Variants in MANBA observed in about 807,000 individuals in gnomAD.
MANBA encodes the protein mannosidase beta, also known as beta-mannosidase.
In MANBA, 83 loss-of-function variants were observed where a neutral mutation model predicts 111.1. The observed-to-expected ratio is 0.75, with a 90% CI of 0.63 to 0.90. The LOEUF (loss-of-function observed/expected upper bound fraction) is 0.90, where lower values mean the gene tolerates loss of function less well. Among genes scored for constraint, MANBA ranks in the 40% least tolerant of loss-of-function variants. The pLI is 0.00. For synonymous variants in MANBA, 370 were observed against 378.7 expected (o/e 0.98, Z 0.27); for missense variants, 1,036 against 1,069.0 (o/e 0.97, Z 0.43).
intron 12 of MANBA, among the ~76,000 whole-genome samples, chr4:102,653,122 C>A (rs1730409362): frequency 6.6e-6 from 1 of 152,024 alleles, no homozygotes; most frequent in South Asian, 2.1e-4. Flanking sequence ...GTTTACATTT[C>A]ATGGGCTCTC....
Position 102,634,968 on chromosome 4 carries a change from C to G in MANBA, c.2235G>C (p.Glu745Asp), listed in dbSNP as rs1367199527. ...CTGGCTCCTCATAAAGGCAGACAGC[C>G]TCTCCTCCTTTCATCACAAAACGTT... ...VTERFVMKGG[E>D]AVCLYEEPVS... is the part of the protein sequence containing the mutation. Residue 745 changes from glutamate to aspartate, a missense_variant, in exon 16 of 17, where the codon GAG becomes GAC. By Grantham distance (45) the Glu-to-Asp change is conservative. Coordinates refer to ENST00000647097, the MANE Select transcript of MANBA (RefSeq NM_005908.4). 9.3e-6 allele frequency: 15 copies of G among 1,614,100 alleles called. No homozygotes were observed. The highest frequency in any genetic ancestry group is 1.3e-5 in the Non-Finnish European group (15 of 1,180,046).
At chr4:102,760,654 G>A in intron 1 of MANBA, 64 bp downstream of exon 1, 1 of 1,466,672 alleles carries the variant, frequency 6.8e-7, no homozygotes, top group Non-Finnish European at 9.1e-7. Context: ...GGCGGTTCCT[G>A]GGCCCCTCTC....
intron 7 of MANBA, among the ~76,000 whole-genome samples, chr4:102,684,674 C>T (rs918728107): frequency 3.3e-5 from 5 of 152,164 alleles, no homozygotes; most frequent in African/African-American, 1.2e-4. Context: ...CCAAGACCCC[C>T]AGTAGGTGCC....
chr4:102,713,680 T>A (rs940164049), intron 5 of MANBA, among the ~76,000 whole-genome samples: 1 of 152,140 alleles, frequency 6.6e-6, no homozygotes, highest in Non-Finnish European at 1.5e-5. Context: ...GGCGGGCAGA[T>A]CACCTGAGGT....
chr4:102,666,150 A>G (rs1731210313), intron 10 of MANBA: 1 of 152,246 alleles, frequency 6.6e-6, no homozygotes, highest in Non-Finnish European at 1.5e-5. Flanking sequence ...ACAACCCTCA[A>G]GCTGACTTAG....
intron 11 of MANBA, among the ~76,000 whole-genome samples, chr4:102,659,490 T>G (rs1026563714): frequency 3.3e-5 from 5 of 152,168 alleles, no homozygotes; most frequent in African/African-American, 1.2e-4. Flanking sequence ...TGTGTTCTGG[T>G]CATCTTTCTA....
At chr4:102,676,146 G>A (rs1731717038) in intron 7 of MANBA, among the ~76,000 whole-genome samples, 1 of 152,040 alleles carries the variant, frequency 6.6e-6, no homozygotes, top group South Asian at 2.1e-4. Flanking sequence ...TATGATGAAA[G>A]CCACCTTTCT....
chr4:102,697,413 A>G (rs1388860512), intron 5 of MANBA, among the ~76,000 whole-genome samples: 1 of 152,096 alleles, frequency 6.6e-6, no homozygotes, highest in South Asian at 2.1e-4. Flanking sequence ...TGTGCAGGTT[A>G]GTTACATATG....
chr4:102,647,692 C>T (rs898479585), intron 13 of MANBA, among the ~76,000 whole-genome samples: 6 of 152,040 alleles, frequency 3.9e-5, no homozygotes, highest in Non-Finnish European at 5.9e-5. Context: ...TTGCCTTTAA[C>T]CTTGTGTTCT....
At chr4:102,694,100 C>A (rs942095852) in intron 5 of MANBA, among the ~76,000 whole-genome samples, 1 of 152,132 alleles carries the variant, frequency 6.6e-6, no homozygotes, top group Non-Finnish European at 1.5e-5. Flanking sequence ...CAAAGGTCAT[C>A]GGCAAAATTC....
intron 5 of MANBA, among the ~76,000 whole-genome samples, chr4:102,713,751 C>A (rs1360003355): frequency 6.6e-6 from 1 of 151,966 alleles, no homozygotes; most frequent in Non-Finnish European, 1.5e-5. Flanking sequence ...ACAAAATTAG[C>A]TGGGCGTGGT....
chr4:102,685,974 A>G (rs149687792), intron 7 of MANBA, among the ~76,000 whole-genome samples: 1,844 of 152,212 alleles, frequency 0.012, 21 homozygotes, highest in Non-Finnish European at 0.015. Flanking sequence ...AATGTGTCAC[A>G]TTATTATTGA....
intron 12 of MANBA, among the ~76,000 whole-genome samples, chr4:102,654,129 C>A (rs73834881): frequency 3.3e-5 from 5 of 151,968 alleles, no homozygotes; most frequent in African/African-American, 1.2e-4. Flanking sequence ...AGATTATTGT[C>A]GAATTAAAGA....
chr4:102,749,113 A>C (rs35452477), intron 1 of MANBA, among the ~76,000 whole-genome samples: 1 of 152,198 alleles, frequency 6.6e-6, no homozygotes, highest in African/African-American at 2.4e-5. Context: ...AGAAAAAAAA[A>C]CAAAAAACTG....
chr4:102,727,862 G>GA, intron 1 of MANBA: 2 of 580,166 alleles, frequency 3.4e-6, no homozygotes, highest in Non-Finnish European at 3.2e-6. Context: ...TCCTAAAGAT[G>GA]AAAAAGCCCC....
At chr4:102,722,652 T>C in intron 4 of MANBA, 1 of 561,552 alleles carries the variant, frequency 1.8e-6, no homozygotes, top group Non-Finnish European at 3.2e-6. Flanking sequence ...ACCTAAGTTC[T>C]GAACACGCTT....
At chr4:102,673,831 A>T in intron 8 of MANBA, 88 bp downstream of exon 8, 1 of 1,249,466 alleles carries the variant, frequency 8.0e-7, no homozygotes, top group Non-Finnish European at 1.2e-6. Context: ...CCTTGCCCAG[A>T]GACTAAAGAA....
chr4:102,648,536 T>C (rs1450752175), intron 13 of MANBA, among the ~76,000 whole-genome samples: 6 of 152,072 alleles, frequency 3.9e-5, no homozygotes, highest in African/African-American at 7.2e-5. Flanking sequence ...AAGTAAAATC[T>C]ATAGAGACAG....
intron 7 of MANBA, among the ~76,000 whole-genome samples, chr4:102,680,748 T>C (rs576368382): frequency 6.6e-6 from 1 of 152,350 alleles, no homozygotes; most frequent in Middle Eastern, 3.4e-3. Flanking sequence ...TCTTTTATCC[T>C]GGCCCATAGC....
Sources: allele counts gnomAD v4.1 joint callset (sites outside exome capture counted in the v4.1 genomes callset), GRCh38; gene constraint gnomAD v4.1.1; transcripts MANE v1.5; gene names NCBI Gene and HGNC (gene_info 2026-07-23, HGNC 2026-07-21).